Variants in DPP4 observed in about 807,000 individuals in gnomAD.
The protein encoded by DPP4 is dipeptidyl peptidase 4, also known as ADCP-2.
A neutral mutation model predicts 122.4 loss-of-function variants in DPP4; 93 were observed. The ratio of observed to expected loss-of-function variants is 0.76; its 90% CI spans 0.64 to 0.90. DPP4 has a LOEUF of 0.90. Among genes scored for constraint, DPP4 ranks in the 40% least tolerant of loss-of-function variants. The pLI is 0.00. For synonymous variants in DPP4, 321 were observed against 302.9 expected (o/e 1.06, Z -0.62); for missense variants, 914 against 907.3 (o/e 1.01, Z -0.09).
At chr2:162,035,445 G>A in intron 8 of DPP4, 121 bp from the exon 9 acceptor site, 1 of 809,830 alleles carries the variant, frequency 1.2e-6, no homozygotes, top group Non-Finnish European at 1.9e-6. Flanking sequence ...GAACCACTTT[G>A]CATTTGCTGG....
rs1322790071 is a variant in DPP4, at chr2:162,074,054, C to T, written c.-73G>A. 1.3e-5 allele frequency: 21 copies of T among 1,577,242 alleles called. No homozygotes were observed. In the Admixed American group the frequency reaches 3.8e-4, roughly 29 times the overall value. On this transcript the variant is annotated 5_prime_UTR_variant, in exon 1 of 26. Transcript: ENST00000360534. ...GAAGTCACCGCGGGCGGCGGAGACGCGCGTCCTGCACCGCTGCTCCGGGCG... is the reference window on the plus strand; with the variant it reads ...GAAGTCACCGCGGGCGGCGGAGACGTGCGTCCTGCACCGCTGCTCCGGGCG...
chr2:162,014,789 T>C (rs927860940), intron 18 of DPP4, among the ~76,000 whole-genome samples: 1 of 152,240 alleles, frequency 6.6e-6, no homozygotes, highest in Non-Finnish European at 1.5e-5. Context: ...GATCTACTTA[T>C]CTAGTTTGTT....
chr2:162,032,220 A>G (rs1351703653), intron 10 of DPP4: 1 of 152,188 alleles, frequency 6.6e-6, no homozygotes, highest in Admixed American at 6.5e-5. Context: ...TTGAATATAG[A>G]TTCGTACTTG....
At chr2:162,014,258 C>T (rs891617168) in intron 19 of DPP4, 138 bp downstream of exon 19, 7 of 683,166 alleles carry the variant, frequency 1.0e-5, no homozygotes, top group Admixed American at 3.3e-5. Flanking sequence ...TGTGGCTGTA[C>T]AGTGAAAGGA....
At chr2:162,041,311 T>C (rs539720531) in intron 5 of DPP4, among the ~76,000 whole-genome samples, 1 of 152,148 alleles carries the variant, frequency 6.6e-6, no homozygotes, top group African/African-American at 2.4e-5. Context: ...AGAAATTGTA[T>C]CTTATTTATC....
chr2:162,018,339 TTAA>T (rs1413043512), intron 16 of DPP4, among the ~76,000 whole-genome samples: 45 of 152,340 alleles, frequency 3.0e-4, no homozygotes, highest in African/African-American at 1.1e-3. Flanking sequence ...TCATTTGTAA[TTAA>T]TAATAGCAAC....
chr2:162,015,289 G>T lies in DPP4; in HGVS notation c.1568-824C>A, dbSNP rs1295733031. 3.9e-5 allele frequency among the ~76,000 whole-genome samples: 6 copies of T among 152,072 alleles called. No individual in the cohort carries two copies. In the South Asian group the frequency reaches 1.2e-3, roughly 32 times the overall value. ...CTTCCTTTTTGTTTATGTTTGTTACGATTATTTTACTTGAAAAGAAAAGAA... is the reference window on the plus strand; with the variant it reads ...CTTCCTTTTTGTTTATGTTTGTTACTATTATTTTACTTGAAAAGAAAAGAA... On this transcript the variant is annotated intron_variant, in intron 18 of 25. Transcript: ENST00000360534.
At chr2:162,054,102 G>T (rs1344400755) in intron 2 of DPP4, among the ~76,000 whole-genome samples, 1 of 152,210 alleles carries the variant, frequency 6.6e-6, no homozygotes, top group African/African-American at 2.4e-5. Context: ...ATGGGACATG[G>T]AGTCAAAGAT....
chr2:162,020,390 T>C, intron 13 of DPP4, 94 bp from the exon 14 acceptor site: 2 of 1,181,800 alleles, frequency 1.7e-6, no homozygotes, highest in South Asian at 1.4e-5. Context: ...ATATCAGGAA[T>C]TCAAATAACC....
intron 19 of DPP4, among the ~76,000 whole-genome samples, chr2:162,014,137 T>C (rs534030062): frequency 6.6e-6 from 1 of 152,224 alleles, no homozygotes; most frequent in African/African-American, 2.4e-5. Flanking sequence ...CCTTTGAAAT[T>C]CCCTTGGAGT....
intron 13 of DPP4, 31 bp from the exon 14 acceptor site, chr2:162,020,327 A>T: frequency 6.7e-7 from 1 of 1,481,736 alleles, no homozygotes; most frequent in African/African-American, 1.4e-5. Flanking sequence ...TCAAAAAAAA[A>T]AAAAAGATTG....
At chr2:162,056,132 T>C (rs2106146824) in intron 2 of DPP4, among the ~76,000 whole-genome samples, 1 of 152,340 alleles carries the variant, frequency 6.6e-6, no homozygotes, top group South Asian at 2.1e-4. Flanking sequence ...CCCATGGAAT[T>C]CTCTACTACT....
intron 20 of DPP4, among the ~76,000 whole-genome samples, chr2:162,010,686 G>T (rs559348397): frequency 4.9e-4 from 75 of 152,176 alleles, no homozygotes; most frequent in African/African-American, 1.7e-3. Context: ...AAATATCAAA[G>T]CCTCACTCTC....
In DPP4 at chr2:162,032,690, C is replaced by T. The variant is rs774162406; in HGVS notation, c.887+851G>A. ...CAAGACTCTGTCTCAAAAAAACAAA[C>T]AAACAACAACAACAACAACAAAAAA... is the stretch of plus-strand genomic sequence containing the variant. On this transcript the variant is annotated intron_variant, in intron 10 of 25. Coordinates refer to ENST00000360534, the MANE Select transcript of DPP4 (RefSeq NM_001935.4). Among the ~76,000 whole-genome samples the T allele has an allele frequency of 5.7e-5, 8 of 139,662 alleles. 1 individual carries two copies. The highest frequency in any genetic ancestry group is 9.2e-5 in the Non-Finnish European group (6 of 65,290). 91.6% of individuals were successfully genotyped at this position (139,662 alleles called of 152,430 possible).
intron 2 of DPP4, among the ~76,000 whole-genome samples, chr2:162,058,167 T>C (rs1684643619): frequency 6.6e-6 from 1 of 152,236 alleles, no homozygotes; most frequent in African/African-American, 2.4e-5. Flanking sequence ...CCTATTGTGA[T>C]GAAATTAAAT....
At chr2:162,044,025 C>T (rs984034837) in intron 5 of DPP4, among the ~76,000 whole-genome samples, 1 of 151,828 alleles carries the variant, frequency 6.6e-6, no homozygotes, top group Non-Finnish European at 1.5e-5. Context: ...GAGACCTTGT[C>T]TCAAAAAAAG....
At chr2:162,069,491 AAG>A (rs1685047741) in intron 2 of DPP4, among the ~76,000 whole-genome samples, 1 of 152,158 alleles carries the variant, frequency 6.6e-6, no homozygotes, top group South Asian at 2.1e-4. Context: ...CCCCTTTGAG[AAG>A]AGAGGCAGAG....
intron 2 of DPP4, among the ~76,000 whole-genome samples, chr2:162,057,386 G>C (rs891673678): frequency 1.3e-5 from 2 of 152,186 alleles, no homozygotes; most frequent in Admixed American, 1.3e-4. Context: ...TAATTCTGGG[G>C]AAGGGCTCTA....
chr2:162,035,227 T>G lies in DPP4; in HGVS notation c.711A>C (p.Glu237Asp). Residue 237 changes from glutamate (E) to aspartate (D), a missense_variant, in exon 9 of 26, where the codon GAA becomes GAC. Transcript: ENST00000360534. ...GTGACTCATCAGAGTAGAAGGAGTATTCAATAAGTGGGACTTCTGTGTCGT... is the reference window on the plus strand; with the variant it reads ...GTGACTCATCAGAGTAGAAGGAGTAGTCAATAAGTGGGACTTCTGTGTCGT... ...QFNDTEVPLI[E>D]YSFYSDESLQ... is the part of the protein sequence containing the mutation. 1 of 1,614,066 alleles carries G rather than the reference T, an allele frequency of 6.2e-7. No homozygotes were observed. Among genetic ancestry groups the G allele is most frequent in the East Asian group, 2.2e-5 (1 of 44,860 alleles).
Sources: gnomAD v4.1 joint callset for allele counts (sites outside exome capture counted in the v4.1 genomes callset) on GRCh38, gnomAD v4.1.1 for gene constraint, MANE v1.5 for transcripts, NCBI Gene and HGNC (gene_info 2026-07-23, HGNC 2026-07-21) for gene names.